NEK1: variants seen among roughly 807,000 people sequenced by gnomAD.
The protein encoded by NEK1 is serine/threonine-protein kinase Nek1.
NEK1 carries 137 observed loss-of-function variants against 182.1 expected under a neutral mutation model. That is an observed-to-expected ratio of 0.75 (90% CI 0.65 to 0.87). The LOEUF (loss-of-function observed/expected upper bound fraction) is 0.87, where lower values mean the gene tolerates loss of function less well. NEK1 is among the 40% of genes least tolerant of loss of function. NEK1 has a pLI of 0.00. For synonymous variants in NEK1, 513 were observed against 492.2 expected, an observed-to-expected ratio of 1.04 and a Z score of -0.56; for missense variants, 1,391 against 1,494.4, an observed-to-expected ratio of 0.93 and a Z score of 1.14.
chr4:169,598,161 G>A (rs1040759650), intron 5 of NEK1, among the ~76,000 whole-genome samples: 1 of 152,122 alleles, frequency 6.6e-6, no homozygotes, highest in African/African-American at 2.4e-5. Flanking sequence ...AAAAGAAAAT[G>A]TTATAAACTT....
intron 23 of NEK1, among the ~76,000 whole-genome samples, chr4:169,496,654 G>A (rs1218806392): frequency 6.7e-6 from 1 of 149,376 alleles, no homozygotes; most frequent in Non-Finnish European, 1.5e-5. Flanking sequence ...TGCATCTATT[G>A]AGATAATCAT....
intron 2 of NEK1, among the ~76,000 whole-genome samples, chr4:169,608,552 A>T (rs1166860745): frequency 1.3e-5 from 2 of 152,196 alleles, no homozygotes; most frequent in Non-Finnish European, 2.9e-5. Flanking sequence ...AAAATCAAAA[A>T]ACCTTGAGGG....
chr4:169,482,066 T>C lies in NEK1; in HGVS notation c.2008-2532A>G, dbSNP rs540769539. On this transcript the variant is annotated intron_variant, in intron 23 of 35. Transcript: ENST00000507142. ...TGCTTTACCTTGCACTTTCATGTTA[T>C]GGAGGTGGCTTCTTTCCTTAAACCT... 3.3e-5 allele frequency among the ~76,000 whole-genome samples: 5 copies of C among 152,374 alleles called. No homozygotes were observed. The South Asian group carries it at 1.0e-3, about 32-fold the overall frequency.
At chr4:169,574,611 G>GAAAAA (rs1235699069) in intron 12 of NEK1, among the ~76,000 whole-genome samples, 1 of 69,106 alleles carries the variant, frequency 1.4e-5, no homozygotes. Flanking sequence ...CACCTCAAAA[G>GAAAAA]AAAAAAAAAA....
At chr4:169,426,264 C>G (rs1367974862) in intron 29 of NEK1, 30 bp from the exon 30 acceptor site, 1 of 1,560,940 alleles carries the variant, frequency 6.4e-7, no homozygotes, top group Admixed American at 1.7e-5. Flanking sequence ...CAATTAAAAA[C>G]ACACACACTT....
intron 29 of NEK1, among the ~76,000 whole-genome samples, chr4:169,429,190 A>C (rs1293775354): frequency 6.6e-6 from 1 of 152,196 alleles, no homozygotes; most frequent in Non-Finnish European, 1.5e-5. Flanking sequence ...ACTGGAACCA[A>C]TCCCTCAAAT....
chr4:169,536,952 T>C (rs941640228), intron 19 of NEK1, among the ~76,000 whole-genome samples: 1 of 152,228 alleles, frequency 6.6e-6, no homozygotes, highest in Non-Finnish European at 1.5e-5. Context: ...AAATTTTAAC[T>C]ATGTTTCTAT....
chr4:169,565,185 C>T (rs1303538448), intron 12 of NEK1, among the ~76,000 whole-genome samples: 2 of 152,100 alleles, frequency 1.3e-5, no homozygotes, highest in African/African-American at 4.8e-5. Context: ...ATTTAAAGAA[C>T]ATTAGCTTTC....
At position 169,393,962 on chromosome 4, in the gene NEK1, A is replaced by C. The variant is rs1408488131; in HGVS notation, c.*548T>G. 6.6e-6 allele frequency: 1 copy of C among 152,274 alleles called. No homozygotes were observed. The highest frequency in any genetic ancestry group is 1.5e-5 in the Non-Finnish European group (1 of 68,068). 9.4% of individuals were successfully genotyped at this position (152,274 alleles called of 1,614,324 possible). Reference sequence around the variant, plus strand: ...CTAGTTCAGGAGACACACTGATTGTAAAAGGACTTGAGAATATAAACTTTA... The same window carrying C: ...CTAGTTCAGGAGACACACTGATTGTCAAAGGACTTGAGAATATAAACTTTA... On this transcript the variant is annotated 3_prime_UTR_variant, in exon 36 of 36. Coordinates refer to ENST00000507142, the MANE Select transcript of NEK1 (RefSeq NM_001199397.3).
chr4:169,496,144 T>C (rs960913648), intron 23 of NEK1, among the ~76,000 whole-genome samples: 14 of 152,200 alleles, frequency 9.2e-5, no homozygotes, highest in Admixed American at 5.2e-4. Context: ...GATTGCTAGG[T>C]ATTTTATACT....
At chr4:169,465,632 G>A (rs1255215806) in intron 26 of NEK1, among the ~76,000 whole-genome samples, 1 of 152,150 alleles carries the variant, frequency 6.6e-6, no homozygotes, top group African/African-American at 2.4e-5. Context: ...AGTTCACACA[G>A]TGCCAGAAAG....
intron 18 of NEK1, among the ~76,000 whole-genome samples, chr4:169,549,588 A>G (rs1761105952): frequency 6.7e-6 from 1 of 148,380 alleles, no homozygotes; most frequent in African/African-American, 2.5e-5. Context: ...ATGCCTGGCT[A>G]ATTTTTGTAT....
chr4:169,586,908 C>T (rs1767635189), intron 9 of NEK1, among the ~76,000 whole-genome samples: 1 of 151,872 alleles, frequency 6.6e-6, no homozygotes, highest in Admixed American at 6.6e-5. Context: ...GGAAGAACTG[C>T]TTATGAACCT....
chr4:169,485,008 GT>G (rs1748783693), intron 23 of NEK1, among the ~76,000 whole-genome samples: 1 of 152,114 alleles, frequency 6.6e-6, no homozygotes, highest in South Asian at 2.1e-4. Context: ...AATGTATTAA[GT>G]TTCAGAATGC....
chr4:169,518,515 C>T (rs2149736743), intron 19 of NEK1, among the ~76,000 whole-genome samples: 1 of 100,920 alleles, frequency 9.9e-6, no homozygotes, highest in African/African-American at 5.3e-5. Flanking sequence ...TTCAGTTCTG[C>T]TCTGATTTTA....
At chr4:169,412,467 A>G (rs974899079) in intron 31 of NEK1, among the ~76,000 whole-genome samples, 3 of 152,234 alleles carry the variant, frequency 2.0e-5, no homozygotes, top group African/African-American at 7.2e-5. Flanking sequence ...TAACAGGACA[A>G]AGAAAAGGAA....
intron 12 of NEK1, among the ~76,000 whole-genome samples, chr4:169,566,259 C>T (rs954375545): frequency 2.0e-5 from 3 of 152,016 alleles, no homozygotes; most frequent in African/African-American, 7.3e-5. Flanking sequence ...TACATAAAGG[C>T]CAAGATTGTA....
In NEK1 at chr4:169,394,421, A is replaced by G. The variant is rs1730363000; in HGVS notation, c.*89T>C. ...TTAAATCTGATTTTTTAAATAAATAATTGCTGTATTTCCCACTGAAGCTTG... is the reference window on the plus strand; with the variant it reads ...TTAAATCTGATTTTTTAAATAAATAGTTGCTGTATTTCCCACTGAAGCTTG... On this transcript the variant is annotated 3_prime_UTR_variant, in exon 36 of 36. Coordinates refer to ENST00000507142, the MANE Select transcript of NEK1 (RefSeq NM_001199397.3). 1.3e-6 allele frequency: 1 copy of G among 775,114 alleles called. No homozygotes were observed. Among genetic ancestry groups the G allele is most frequent in the South Asian group, 1.8e-5 (1 of 55,048 alleles). 48.0% of individuals were successfully genotyped at this position (775,114 alleles called of 1,614,324 possible).
At chr4:169,604,691 T>A (rs779537434) in intron 2 of NEK1, among the ~76,000 whole-genome samples, 1 of 152,190 alleles carries the variant, frequency 6.6e-6, no homozygotes, top group Non-Finnish European at 1.5e-5. Flanking sequence ...TCTCCTTAAA[T>A]GACAAACATC....
Sources: allele counts gnomAD v4.1 joint callset (sites outside exome capture counted in the v4.1 genomes callset), GRCh38; gene constraint gnomAD v4.1.1; transcripts MANE v1.5; gene names NCBI Gene and HGNC (gene_info 2026-07-23, HGNC 2026-07-21).